The following LRRCC1 variants were observed in gnomAD, a reference collection of about 807,000 sequenced individuals.
LRRCC1 encodes the protein leucine-rich repeat and coiled-coil domain-containing protein 1.
A neutral mutation model predicts 126.0 loss-of-function variants in LRRCC1; 115 were observed. The observed-to-expected ratio is 0.91, with a 90% CI of 0.78 to 1.07. LRRCC1 has a LOEUF of 1.07. Ranked by LOEUF, LRRCC1 falls within the 50% of genes least tolerant of loss-of-function variation. The probability of loss-of-function intolerance (pLI) is 0.00; values close to 1 mark genes in which losing one functional copy is unlikely to be tolerated. For synonymous variants in LRRCC1, 400 were observed against 393.4 expected, an observed-to-expected ratio of 1.02 and a Z score of -0.20; for missense variants, 1,172 against 1,175.7, an observed-to-expected ratio of 1.00 and a Z score of 0.05.
intron 14 of LRRCC1, 47 bp downstream of exon 14, chr8:85,136,010 T>C (rs770211173): frequency 3.5e-6 from 5 of 1,432,000 alleles, no homozygotes; most frequent in Admixed American, 2.4e-5. Context: ...TTCTTATAAA[T>C]GAGCAAATCT....
At chr8:85,129,773 G>A in intron 10 of LRRCC1, 146 bp from the exon 11 acceptor site, 2 of 586,556 alleles carry the variant, frequency 3.4e-6, no homozygotes. Context: ...TGCACTTTGT[G>A]TGACTGTAAC....
chr8:85,142,261 C>G (rs935105533), intron 18 of LRRCC1, among the ~76,000 whole-genome samples: 2 of 152,246 alleles, frequency 1.3e-5, no homozygotes, highest in Admixed American at 6.5e-5. Flanking sequence ...CCACTGCACT[C>G]CAGCCTAGTG....
In LRRCC1 at chr8:85,135,926, A is replaced by T. The variant is rs774287261; in HGVS notation, c.2292A>T (p.Thr764=). The change falls in exon 14 of 19, where the codon ACA becomes ACT. Residue 764 remains threonine (T), a synonymous_variant. Transcript: ENST00000360375. The part of the protein sequence containing the change: ...AKESLIFGLR[T]ERKVWGHELA... ...AATCACTAATATTTGGTTTAAGGAC[A>T]GAAAGAAAAGTATGGGGACATGAGC... The T allele has an allele frequency of 6.3e-7, 1 of 1,599,396 alleles. No individual in the cohort carries two copies. The highest frequency in any genetic ancestry group is 1.1e-5 in the South Asian group (1 of 88,218).
rs1810822690 is a variant in LRRCC1 at position 85,135,890 on chromosome 8, A to G, written c.2256A>G (p.Leu752=). 3.7e-6 allele frequency: 6 copies of G among 1,609,198 alleles called. 1 individual carries two copies. The East Asian group carries it at 6.7e-5, about 18-fold the overall frequency. The stretch of plus-strand genomic sequence containing the variant: ...AAAAAGTCCAGCTTATTTCTGAGCT[A>G]GCAGCCAAGGAATCACTAATATTTG... ...KHEKVQLISE[L]AAKESLIFGL... The change falls in exon 14 of 19, where the codon CTA becomes CTG. Residue 752 remains leucine (L), a synonymous_variant. Transcript: ENST00000360375.
At chr8:85,140,486 T>G (rs1194533416) in intron 17 of LRRCC1, among the ~76,000 whole-genome samples, 1 of 152,200 alleles carries the variant, frequency 6.6e-6, no homozygotes, top group Non-Finnish European at 1.5e-5. Context: ...TTATTACTGA[T>G]TGCTGTACTA....
intron 6 of LRRCC1, among the ~76,000 whole-genome samples, chr8:85,119,166 T>C (rs1809333473): frequency 6.6e-6 from 1 of 152,126 alleles, no homozygotes. Context: ...GTTCTTTTTT[T>C]CTTTGTCAGT....
rs73688677 is a variant in LRRCC1, at chr8:85,133,360, C to T, written c.1968+1399C>T. Among the ~76,000 whole-genome samples the T allele has an allele frequency of 8.1e-3, 1,230 of 152,262 alleles. 16 individuals are homozygous for T. Among genetic ancestry groups the T allele is most frequent in the African/African-American group, 0.028 (1,147 of 41,536 alleles). On this transcript the variant is annotated intron_variant, in intron 12 of 18. Transcript: ENST00000360375. ...AGTCTCTTTGTTTCTCTTTTGTCCACAGTTTCATTATTGCAGTGCCCAAGT... is the reference window on the plus strand; with the variant it reads ...AGTCTCTTTGTTTCTCTTTTGTCCATAGTTTCATTATTGCAGTGCCCAAGT...
chr8:85,122,766 A>C (rs1225276777), intron 6 of LRRCC1, among the ~76,000 whole-genome samples: 1 of 152,208 alleles, frequency 6.6e-6, no homozygotes, highest in African/African-American at 2.4e-5. Context: ...TCCTACGGCA[A>C]GCAATTTTGA....
rs1810498170 is a variant in LRRCC1 at position 85,131,921 on chromosome 8, T to A, written c.1928T>A (p.Phe643Tyr). The A allele has an allele frequency of 6.2e-7, 1 of 1,613,562 alleles. No homozygotes were observed. Among genetic ancestry groups the A allele is most frequent in the Non-Finnish European group, 8.5e-7 (1 of 1,179,878 alleles). ...SQQYMDLENE[F>Y]RIALTVEARR... ...CAGTATATGGATTTAGAAAATGAAT[T>A]CCGTATTGCTTTAACTGTTGAAGCC... Residue 643 changes from phenylalanine to tyrosine, a missense_variant, in exon 12 of 19, where the codon TTC (phenylalanine) becomes TAC (tyrosine). Physicochemically the swap from Phe to Tyr is conservative, Grantham distance 22. Transcript: ENST00000360375.
At chr8:85,114,798 C>T (rs1359452505) in intron 4 of LRRCC1, among the ~76,000 whole-genome samples, 1 of 152,002 alleles carries the variant, frequency 6.6e-6, no homozygotes, top group Admixed American at 6.6e-5. Context: ...GAATAAATTT[C>T]TACTAGTTTT....
Position 85,145,404 on chromosome 8 carries a change from A to G in LRRCC1, c.2992A>G (p.Lys998Glu), listed in dbSNP as rs1159752233. ...SANLKVHQIE[K>E]EMRELLEETC... Reference sequence around the variant, plus strand: ...GTCGATTTAGGTCCATCAAATTGAAAAAGAAATGCGTGAACTTTTGGAAGA... The same window carrying G: ...GTCGATTTAGGTCCATCAAATTGAAGAAGAAATGCGTGAACTTTTGGAAGA... Residue 998 changes from lysine to glutamate, a missense_variant, in exon 19 of 19, where the codon AAA (lysine) becomes GAA (glutamate). Transcript: ENST00000360375. 1 of 1,553,336 alleles carries G rather than the reference A, an allele frequency of 6.4e-7. No homozygotes were observed. The highest frequency in any genetic ancestry group is 2.1e-5 in the Admixed American group (1 of 48,616).
intron 11 of LRRCC1, among the ~76,000 whole-genome samples, chr8:85,130,943 A>G (rs1425842008): frequency 6.6e-6 from 1 of 152,214 alleles, no homozygotes; most frequent in African/African-American, 2.4e-5. Flanking sequence ...GTAGTTTCTC[A>G]ACTCTTGCTC....
At chr8:85,127,262 C>A (rs548889623) in intron 9 of LRRCC1, among the ~76,000 whole-genome samples, 2 of 152,104 alleles carry the variant, frequency 1.3e-5, no homozygotes, top group South Asian at 2.1e-4. Flanking sequence ...TGTTTTTATT[C>A]TATCCTCACC....
intron 18 of LRRCC1, 76 bp downstream of exon 18, chr8:85,141,593 TATAAAG>T (rs2136005729): frequency 8.6e-7 from 1 of 1,156,370 alleles, no homozygotes; most frequent in Non-Finnish European, 1.2e-6. Flanking sequence ...CTTCGAGAAT[TATAAAG>T]AGAAAAGGCA....
At chr8:85,139,887 A>G (rs1015800360) in intron 17 of LRRCC1, among the ~76,000 whole-genome samples, 3 of 152,228 alleles carry the variant, frequency 2.0e-5, no homozygotes, top group African/African-American at 7.2e-5. Context: ...CTAATGGGAA[A>G]GTGTTGTTAC....
intron 1 of LRRCC1, among the ~76,000 whole-genome samples, chr8:85,108,510 TC>T (rs1420837635): frequency 1.1e-4 from 17 of 152,258 alleles, no homozygotes; most frequent in African/African-American, 4.1e-4. Flanking sequence ...CTATGCTTTT[TC>T]TATCTCACAT....
intron 4 of LRRCC1, among the ~76,000 whole-genome samples, chr8:85,114,276 A>G (rs530813510): frequency 3.3e-5 from 5 of 151,590 alleles, no homozygotes; most frequent in South Asian, 2.1e-4. Context: ...GGTTTCTACA[A>G]TTTGAATCTT....
At position 85,124,829 on chromosome 8, in the gene LRRCC1, T is replaced by C; in HGVS notation, c.1162T>C (p.Leu388=). 1 of 1,585,326 alleles carries C rather than the reference T, an allele frequency of 6.3e-7. No homozygotes were observed. Among genetic ancestry groups the C allele is most frequent in the Non-Finnish European group, 8.6e-7 (1 of 1,163,060 alleles). The part of the protein sequence containing the change: ...RKMKPPYLKE[L]YVSSSLANCP... ...AATGAAACCACCTTACCTTAAAGAA[T>C]TATATGTAAGCTCATCTTTAGCAAA... Residue 388 remains leucine (L), a synonymous_variant, in exon 8 of 19, where the codon TTA becomes CTA. Coordinates refer to ENST00000360375, the MANE Select transcript of LRRCC1 (RefSeq NM_033402.5).
At position 85,135,763 on chromosome 8, in the gene LRRCC1, TTA is replaced by T. The variant is rs866477108; in HGVS notation, c.2155-24_2155-23del. 4.0e-6 allele frequency: 5 copies of T among 1,259,742 alleles called. No homozygotes were observed. The South Asian group carries it at 1.1e-4, about 28-fold the overall frequency. The allele number at this position is 1,259,742 out of a possible 1,614,324, so 78.0% of individuals were successfully genotyped here. On this transcript the variant is annotated intron_variant, in intron 13 of 18. Coordinates refer to ENST00000360375, the MANE Select transcript of LRRCC1 (RefSeq NM_033402.5). ...AATAAAGCACTTAATATAATAATTCTTATTTTTTTTTTTGGGAATATACAGAA... is the reference window on the plus strand; with the variant it reads ...AATAAAGCACTTAATATAATAATTCTTTTTTTTTTTTGGGAATATACAGAA...
Sources: gnomAD v4.1 joint callset for allele counts (sites outside exome capture counted in the v4.1 genomes callset) on GRCh38, gnomAD v4.1.1 for gene constraint, MANE v1.5 for transcripts, NCBI Gene and HGNC (gene_info 2026-07-23, HGNC 2026-07-21) for gene names.